HPSE2: variants seen among roughly 807,000 people sequenced by gnomAD.
HPSE2 encodes heparanase 2 (inactive).
A neutral mutation model predicts 60.5 loss-of-function variants in HPSE2; 38 were observed. That is an observed-to-expected ratio of 0.63 (90% confidence interval 0.48 to 0.82). The LOEUF (loss-of-function observed/expected upper bound fraction) is 0.82, where lower values mean the gene tolerates loss of function less well. HPSE2 is among the 40% of genes least tolerant of loss of function. The probability of loss-of-function intolerance (pLI) is 0.00; values close to 1 mark genes in which losing one functional copy is unlikely to be tolerated. For synonymous variants in HPSE2, 295 were observed against 293.2 expected, an observed-to-expected ratio of 1.01 and a Z score of -0.06; for missense variants, 713 against 740.4, an observed-to-expected ratio of 0.96 and a Z score of 0.43.
At chr10:98,741,866 T>C (rs1320806118) in intron 4 of HPSE2, among the ~76,000 whole-genome samples, 1 of 152,146 alleles carries the variant, frequency 6.6e-6, no homozygotes, top group African/African-American at 2.4e-5. Flanking sequence ...TGTCATGCCC[T>C]GTTTGAAGAA....
intron 2 of HPSE2, among the ~76,000 whole-genome samples, chr10:99,146,014 G>A (rs1344196317): frequency 6.6e-6 from 1 of 152,144 alleles, no homozygotes. Flanking sequence ...CCAATTTCTT[G>A]AATATGGGTA....
At chr10:98,698,725 A>G (rs1948308458) in intron 5 of HPSE2, among the ~76,000 whole-genome samples, 1 of 152,232 alleles carries the variant, frequency 6.6e-6, no homozygotes, top group East Asian at 1.9e-4. Flanking sequence ...AAGGATCAAC[A>G]AAACTGATAG....
intron 2 of HPSE2, among the ~76,000 whole-genome samples, chr10:99,145,382 G>C (rs1469347747): frequency 6.8e-6 from 1 of 147,230 alleles, no homozygotes; most frequent in Non-Finnish European, 1.5e-5. Context: ...ACTTGAACCA[G>C]GAGGTGGAGG....
At chr10:98,916,968 G>A (rs773256943) in intron 3 of HPSE2, among the ~76,000 whole-genome samples, 27 of 152,096 alleles carry the variant, frequency 1.8e-4, no homozygotes, top group Non-Finnish European at 3.8e-4. Context: ...GCTGCTATTG[G>A]TCTGACTGAA....
At chr10:99,238,045 G>A (rs184736361), upstream of HPSE2, among the ~76,000 whole-genome samples, 17 of 152,226 alleles carry the variant, frequency 1.1e-4, no homozygotes, top group East Asian at 3.1e-3. Flanking sequence ...TGTTTTCCCA[G>A]TTATTAACAT....
At chr10:98,600,911 G>GTATATATGTGTGTGTGTGTGTGTATA (rs576143051) in intron 9 of HPSE2, among the ~76,000 whole-genome samples, 2 of 73,702 alleles carry the variant, frequency 2.7e-5, no homozygotes, top group African/African-American at 7.4e-5. Flanking sequence ...ATGTGTGTGT[G>GTATATATGTGTGTGTGTGTGTGTATA]TATATATATA....
the HPSE2 span, among the ~76,000 whole-genome samples, chr10:99,271,663 GC>G: frequency 3.3e-5 from 5 of 152,174 alleles, no homozygotes; most frequent in Middle Eastern, 3.4e-3. Flanking sequence ...TTCATATGGA[GC>G]CAAAAAAGAG....
chr10:99,148,328 T>A (rs1347635765), intron 2 of HPSE2, among the ~76,000 whole-genome samples: 2 of 152,200 alleles, frequency 1.3e-5, no homozygotes. Flanking sequence ...GGCATTGCAC[T>A]AAGCATACAA....
chr10:98,890,908 T>A (rs1213812855), intron 3 of HPSE2, among the ~76,000 whole-genome samples: 1 of 152,236 alleles, frequency 6.6e-6, no homozygotes, highest in Non-Finnish European at 1.5e-5. Flanking sequence ...TCAATTGAAC[T>A]CTTAACTAAT....
At chr10:98,783,080 TCCCTCCC>T (rs1282897405) in intron 3 of HPSE2, among the ~76,000 whole-genome samples, 1 of 71,284 alleles carries the variant, frequency 1.4e-5, no homozygotes, top group Non-Finnish European at 2.8e-5. Flanking sequence ...CCCAATGCTA[TCCCTCCC>T]CCCTCCCCCG....
At chr10:98,460,246 A>C (rs1408820474) in intron 11 of HPSE2, among the ~76,000 whole-genome samples, 1 of 152,226 alleles carries the variant, frequency 6.6e-6, no homozygotes, top group Non-Finnish European at 1.5e-5. Flanking sequence ...TACTTGACAG[A>C]TTAGATAACT....
At chr10:99,199,449 T>G (rs576691559) in intron 2 of HPSE2, among the ~76,000 whole-genome samples, 3 of 152,222 alleles carry the variant, frequency 2.0e-5, no homozygotes, top group African/African-American at 7.2e-5. Flanking sequence ...TGGCTTGATT[T>G]TTGGGTATGG....
At chr10:98,509,851 C>T (rs1208038951) in intron 9 of HPSE2, among the ~76,000 whole-genome samples, 1 of 151,974 alleles carries the variant, frequency 6.6e-6, no homozygotes, top group Non-Finnish European at 1.5e-5. Flanking sequence ...GGGATGGCTG[C>T]TGGTAGTGCA....
At chr10:99,004,573 T>C (rs1290913666) in intron 3 of HPSE2, among the ~76,000 whole-genome samples, 2 of 152,162 alleles carry the variant, frequency 1.3e-5, no homozygotes, top group South Asian at 2.1e-4. Context: ...GATGTCACTG[T>C]TTACATCTTG....
intron 5 of HPSE2, among the ~76,000 whole-genome samples, chr10:98,720,139 TGAAAA>T (rs1288789804): frequency 6.6e-6 from 1 of 151,698 alleles, no homozygotes; most frequent in Non-Finnish European, 1.5e-5. Flanking sequence ...AAAATAAAAA[TGAAAA>T]GAAAATGGGA....
intron 3 of HPSE2, among the ~76,000 whole-genome samples, chr10:99,062,147 C>G (rs1451574910): frequency 6.6e-6 from 1 of 152,122 alleles, no homozygotes; most frequent in Non-Finnish European, 1.5e-5. Context: ...GGGCAGTGTT[C>G]TATTTTACAA....
At chr10:98,812,047 G>A (rs1014339247) in intron 3 of HPSE2, among the ~76,000 whole-genome samples, 9 of 151,958 alleles carry the variant, frequency 5.9e-5, no homozygotes, top group South Asian at 2.1e-4. Context: ...TAGTTCCAGC[G>A]ACATTTTTGT....
chr10:99,124,704 A>G (rs376931612), intron 3 of HPSE2, among the ~76,000 whole-genome samples: 2 of 152,386 alleles, frequency 1.3e-5, no homozygotes, highest in East Asian at 3.9e-4. Flanking sequence ...GCAAGGCCAG[A>G]CAGCAGGAGT....
intron 2 of HPSE2, among the ~76,000 whole-genome samples, chr10:99,184,825 G>A (rs1294661538): frequency 5.6e-5 from 2 of 35,882 alleles, no homozygotes; most frequent in East Asian, 1.2e-3. Flanking sequence ...TATATAGAGA[G>A]AGAGAGAGAG....
Sources: allele counts gnomAD v4.1 joint callset (sites outside exome capture counted in the v4.1 genomes callset), GRCh38; gene constraint gnomAD v4.1.1; transcripts MANE v1.5; gene names NCBI Gene and HGNC (gene_info 2026-07-23, HGNC 2026-07-21).